Variants in MLIP observed in about 807,000 individuals in gnomAD.
MLIP encodes muscular LMNA interacting protein.
MLIP carries 79 observed loss-of-function variants against 84.8 expected under a neutral mutation model. The ratio of observed to expected loss-of-function variants is 0.93; its 90% CI spans 0.78 to 1.12. MLIP has a LOEUF of 1.12. Among genes scored for constraint, MLIP ranks in the 50% most tolerant of loss-of-function variants. The pLI is 0.00. For synonymous variants in MLIP, 504 were observed against 463.0 expected (o/e 1.09, Z -1.14); for missense variants, 1,257 against 1,160.6 (o/e 1.08, Z -1.21).
At chr6:54,184,877 CA>C (rs1212515510) in intron 9 of MLIP, among the ~76,000 whole-genome samples, 2 of 152,098 alleles carry the variant, frequency 1.3e-5, no homozygotes, top group African/African-American at 4.8e-5. Context: ...TTATTTCACA[CA>C]AGAGCCATTC....
At chr6:54,194,454 A>G (rs1778157624) in intron 10 of MLIP, among the ~76,000 whole-genome samples, 1 of 152,142 alleles carries the variant, frequency 6.6e-6, no homozygotes, top group Non-Finnish European at 1.5e-5. Context: ...TGTATTGTGT[A>G]TATTTCATGA....
At chr6:54,034,418 G>A in intron 1 of MLIP, among the ~76,000 whole-genome samples, 1 of 152,164 alleles carries the variant, frequency 6.6e-6, no homozygotes, top group Non-Finnish European at 1.5e-5. Context: ...CATATATGAT[G>A]GTGGTCATAT....
intron 12 of MLIP, among the ~76,000 whole-genome samples, chr6:54,253,705 G>A (rs1782796788): frequency 6.6e-6 from 1 of 152,072 alleles, no homozygotes; most frequent in Admixed American, 6.6e-5. Flanking sequence ...ATATTTTTGA[G>A]CATGCTAGTG....
chr6:54,109,279 A>AGGGCTT, upstream of MLIP, among the ~76,000 whole-genome samples: 1 of 152,216 alleles, frequency 6.6e-6, no homozygotes. Context: ...AAAACTAGAA[A>AGGGCTT]ACAACAATAC....
chr6:54,266,219 C>G lies in MLIP; in HGVS notation c.*264C>G. Reference sequence around the variant, plus strand: ...GCCTTCTACTTAATATTAAGCTGACCGCAATACTAACGTGCCCCTATATTT... The same window carrying G: ...GCCTTCTACTTAATATTAAGCTGACGGCAATACTAACGTGCCCCTATATTT... On this transcript the variant is annotated 3_prime_UTR_variant, in exon 14 of 14. Transcript: ENST00000502396. The G allele has an allele frequency of 2.5e-6, 1 of 401,492 alleles. No individual in the cohort carries two copies. The highest frequency in any genetic ancestry group is 4.5e-6 in the Non-Finnish European group (1 of 224,712). 24.9% of individuals were successfully genotyped at this position (401,492 alleles called of 1,614,324 possible).
At chr6:54,264,884 C>T (rs1015862988) in intron 13 of MLIP, among the ~76,000 whole-genome samples, 1 of 152,014 alleles carries the variant, frequency 6.6e-6, no homozygotes, top group African/African-American at 2.4e-5. Flanking sequence ...TGCTTTTTAT[C>T]TGTCTCCTTC....
chr6:54,020,495 G>C (rs1763436116), intron 1 of MLIP, among the ~76,000 whole-genome samples: 1 of 152,152 alleles, frequency 6.6e-6, no homozygotes, highest in Admixed American at 6.5e-5. Context: ...ATGAATAATT[G>C]GTTGCTATGA....
chr6:54,167,911 G>A (rs557181883), intron 8 of MLIP, among the ~76,000 whole-genome samples: 12 of 151,750 alleles, frequency 7.9e-5, no homozygotes, highest in East Asian at 7.8e-4. Context: ...CTCTATACCT[G>A]TGAGATATCA....
chr6:54,074,144 GA>G (rs1250217026), intron 1 of MLIP, among the ~76,000 whole-genome samples: 1 of 152,156 alleles, frequency 6.6e-6, no homozygotes, highest in Non-Finnish European at 1.5e-5. Context: ...TTTTTAGTTT[GA>G]AAATGATGTG....
In MLIP at chr6:54,137,344, T is replaced by C. The variant is rs759130395; in HGVS notation, c.1275T>C (p.Pro425=). ...ALLTAILKSN[P]SHQRPFSPAS... ...TCACTGCCATTCTCAAGTCAAACCC[T>C]TCCCACCAAAGACCCTTTTCCCCTG... Residue 425 remains proline, a synonymous_variant, in exon 4 of 14, where the codon CCT becomes CCC. Coordinates refer to ENST00000502396, the MANE Select transcript of MLIP (RefSeq NM_001281747.2). 1.4e-5 allele frequency: 21 copies of C among 1,535,988 alleles called. No individual in the cohort carries two copies. In the South Asian group the frequency reaches 2.5e-4, roughly 18 times the overall value.
intron 13 of MLIP, chr6:54,261,750 C>T: frequency 1.0e-6 from 1 of 984,698 alleles, no homozygotes; most frequent in Non-Finnish European, 1.2e-6. Flanking sequence ...CCGTGGAAGC[C>T]ACTCTCATTT....
At chr6:54,141,325 T>TTTTTTTTTTAG (rs1772282980) in intron 4 of MLIP, among the ~76,000 whole-genome samples, 1 of 151,138 alleles carries the variant, frequency 6.6e-6, no homozygotes, top group Admixed American at 6.6e-5. Context: ...TTTTTTTTTT[T>TTTTTTTTTTAG]GAGACACGTC....
intron 9 of MLIP, among the ~76,000 whole-genome samples, chr6:54,180,631 C>T (rs1305481079): frequency 2.0e-5 from 3 of 152,174 alleles, no homozygotes; most frequent in Admixed American, 1.3e-4. Flanking sequence ...GACTCTGATG[C>T]ATTCTGCAGT....
chr6:54,127,340 C>T (rs1771005224), intron 3 of MLIP, among the ~76,000 whole-genome samples: 1 of 152,084 alleles, frequency 6.6e-6, no homozygotes, highest in South Asian at 2.1e-4. Flanking sequence ...TTGTTAATTT[C>T]TGTATCCCTA....
chr6:54,170,177 T>C (rs1477909854), intron 9 of MLIP, among the ~76,000 whole-genome samples: 3 of 151,732 alleles, frequency 2.0e-5, no homozygotes, highest in South Asian at 2.1e-4. Context: ...TTTTCCATCA[T>C]GTGGTCAACT....
intron 1 of MLIP, among the ~76,000 whole-genome samples, chr6:54,078,558 T>C (rs537053794): frequency 6.6e-6 from 1 of 152,326 alleles, no homozygotes; most frequent in Admixed American, 6.5e-5. Context: ...CATTCCAGCC[T>C]GGGCAACAGA....
chr6:54,127,589 T>C (rs1190405558), intron 3 of MLIP, among the ~76,000 whole-genome samples: 5 of 152,148 alleles, frequency 3.3e-5, no homozygotes, highest in Non-Finnish European at 7.4e-5. Flanking sequence ...TTTAGATACA[T>C]GTCTTATCTC....
intron 1 of MLIP, among the ~76,000 whole-genome samples, chr6:54,087,082 A>T (rs1012991858): frequency 1.3e-5 from 2 of 152,178 alleles, no homozygotes; most frequent in Admixed American, 1.3e-4. Context: ...TATCCCCAGG[A>T]TCTAGGATAA....
chr6:54,021,076 T>A (rs1198218231), intron 1 of MLIP, among the ~76,000 whole-genome samples: 1 of 152,230 alleles, frequency 6.6e-6, no homozygotes, highest in Non-Finnish European at 1.5e-5. Flanking sequence ...ATAAAAGTTA[T>A]TTTGGCTGTT....
Sources: allele counts gnomAD v4.1 joint callset (sites outside exome capture counted in the v4.1 genomes callset), GRCh38; gene constraint gnomAD v4.1.1; transcripts MANE v1.5; gene names NCBI Gene and HGNC (gene_info 2026-07-23, HGNC 2026-07-21).